The following GPC6 variants were observed in gnomAD, a reference collection of about 807,000 sequenced individuals.
GPC6 encodes glypican 6.
In GPC6, 14 loss-of-function variants were observed where a neutral mutation model predicts 55.2. The ratio of observed to expected loss-of-function variants is 0.25; its 90% CI spans 0.17 to 0.40. The LOEUF (loss-of-function observed/expected upper bound fraction) is 0.40. GPC6 is among the 10% of genes least tolerant of loss of function. The probability of loss-of-function intolerance (pLI) is 1.00; values close to 1 mark genes in which losing one functional copy is unlikely to be tolerated. For synonymous variants in GPC6, 278 were observed against 259.6 expected (o/e 1.07, Z -0.68); for missense variants, 641 against 708.5 (o/e 0.90, Z 1.08).
At chr13:94,275,751 A>G (rs1277518052) in intron 4 of GPC6, among the ~76,000 whole-genome samples, 4 of 152,080 alleles carry the variant, frequency 2.6e-5, no homozygotes, top group Non-Finnish European at 4.4e-5. Flanking sequence ...AAAAAAATCC[A>G]ACAGTAAAAT....
intron 6 of GPC6, among the ~76,000 whole-genome samples, chr13:94,320,180 C>G (rs911184171): frequency 2.0e-5 from 3 of 152,198 alleles, no homozygotes; most frequent in Non-Finnish European, 2.9e-5. Flanking sequence ...AACCCAGCCA[C>G]TTAGTTTTTA....
chr13:94,396,086 C>T (rs1362179704), intron 7 of GPC6, among the ~76,000 whole-genome samples: 1 of 152,220 alleles, frequency 6.6e-6, no homozygotes, highest in East Asian at 1.9e-4. Flanking sequence ...GGTATCAGTT[C>T]TTGTTCATTC....
chr13:93,456,294 C>T (rs11617308), intron 1 of GPC6, among the ~76,000 whole-genome samples: 33,394 of 151,972 alleles, frequency 0.22, 4,162 homozygotes, highest in Middle Eastern at 0.37. Context: ...AATGAACTTT[C>T]TCGTTTTCTT....
intron 4 of GPC6, among the ~76,000 whole-genome samples, chr13:94,258,971 A>G (rs903300407): frequency 3.3e-5 from 5 of 152,134 alleles, no homozygotes; most frequent in African/African-American, 1.2e-4. Flanking sequence ...ACCACACTGG[A>G]AACCTTTCCC....
intron 1 of GPC6, among the ~76,000 whole-genome samples, chr13:93,497,741 C>T (rs1218760269): frequency 1.3e-5 from 2 of 152,218 alleles, no homozygotes; most frequent in African/African-American, 4.8e-5. Flanking sequence ...CCAAGTCTCA[C>T]ATAAACTTAG....
chr13:94,107,191 G>A (rs1197360184), intron 4 of GPC6, among the ~76,000 whole-genome samples: 1 of 152,158 alleles, frequency 6.6e-6, no homozygotes, highest in Non-Finnish European at 1.5e-5. Context: ...TGAAAATATT[G>A]CAGAGGGCAA....
At chr13:93,849,603 T>A (rs1285827127) in intron 3 of GPC6, among the ~76,000 whole-genome samples, 1 of 152,134 alleles carries the variant, frequency 6.6e-6, no homozygotes, top group Non-Finnish European at 1.5e-5. Flanking sequence ...TGTCCACCTA[T>A]ACATAGATAA....
intron 6 of GPC6, 112 bp from the exon 7 acceptor site, chr13:94,382,302 T>G: frequency 9.0e-7 from 1 of 1,114,636 alleles, no homozygotes; most frequent in Non-Finnish European, 1.4e-6. Context: ...TGTTAAAGAG[T>G]TCCTGCTGGT....
intron 1 of GPC6, among the ~76,000 whole-genome samples, chr13:93,232,360 T>C (rs894326108): frequency 6.6e-6 from 1 of 152,296 alleles, no homozygotes; most frequent in East Asian, 1.9e-4. Context: ...TTGTAATGAT[T>C]CTACAAGTCA....
chr13:94,113,117 T>C (rs1161668853), intron 4 of GPC6, among the ~76,000 whole-genome samples: 1 of 152,182 alleles, frequency 6.6e-6, no homozygotes, highest in Non-Finnish European at 1.5e-5. Context: ...ACATTGGCAA[T>C]CTCAAATAAA....
chr13:93,914,216 CT>C (rs1877165237), intron 3 of GPC6, among the ~76,000 whole-genome samples: 1 of 152,138 alleles, frequency 6.6e-6, no homozygotes, highest in South Asian at 2.1e-4. Context: ...TCCCTCCCCC[CT>C]CTCCCCACCC....
chr13:93,343,723 C>T (rs1566308988), intron 1 of GPC6, among the ~76,000 whole-genome samples: 3 of 152,240 alleles, frequency 2.0e-5, no homozygotes, highest in Admixed American at 6.5e-5. Flanking sequence ...TCTCTTTGCC[C>T]GTTGAATTAG....
chr13:93,476,746 A>G (rs1047845540), intron 1 of GPC6, among the ~76,000 whole-genome samples: 1 of 152,114 alleles, frequency 6.6e-6, no homozygotes, highest in Non-Finnish European at 1.5e-5. Context: ...TCCAATATTA[A>G]ATGACTTTTT....
At chr13:94,305,827 GT>G (rs1270356271) in intron 5 of GPC6, among the ~76,000 whole-genome samples, 152 bp from the exon 6 acceptor site, 2 of 152,206 alleles carry the variant, frequency 1.3e-5, no homozygotes, top group East Asian at 3.8e-4. Flanking sequence ...TGTTATATTA[GT>G]GGTTATACTT....
intron 4 of GPC6, among the ~76,000 whole-genome samples, chr13:94,249,997 C>A (rs1187361910): frequency 1.3e-5 from 2 of 152,106 alleles, no homozygotes; most frequent in Admixed American, 6.6e-5. Flanking sequence ...ATTAAAGAAT[C>A]TGTCATTTTA....
intron 1 of GPC6, among the ~76,000 whole-genome samples, chr13:93,495,024 G>A (rs1357334571): frequency 7.8e-6 from 1 of 128,506 alleles, no homozygotes; most frequent in East Asian, 2.7e-4. Context: ...TTCTTGAGGA[G>A]TATCTTTGTG....
intron 2 of GPC6, among the ~76,000 whole-genome samples, chr13:93,741,704 G>T (rs765399458): frequency 1.3e-5 from 2 of 151,956 alleles, no homozygotes; most frequent in Non-Finnish European, 2.9e-5. Flanking sequence ...TTATTGATTG[G>T]TTATTAGTTT....
intron 4 of GPC6, among the ~76,000 whole-genome samples, chr13:94,181,341 ACTCTTT>A (rs1459088044): frequency 2.0e-5 from 3 of 151,740 alleles, no homozygotes; most frequent in Non-Finnish European, 4.4e-5. Flanking sequence ...CTCTCTTTGT[ACTCTTT>A]CTCTTTATTT....
At chr13:93,572,173 G>A (rs1170227317) in intron 2 of GPC6, among the ~76,000 whole-genome samples, 1 of 152,148 alleles carries the variant, frequency 6.6e-6, no homozygotes, top group Non-Finnish European at 1.5e-5. Context: ...CACAGTACCT[G>A]TAGACTTTCA....
Sources: allele counts gnomAD v4.1 joint callset (sites outside exome capture counted in the v4.1 genomes callset), GRCh38; gene constraint gnomAD v4.1.1; transcripts MANE v1.5; gene names NCBI Gene and HGNC (gene_info 2026-07-23, HGNC 2026-07-21).